The following ADGRL3 variants were observed in gnomAD, a reference collection of about 807,000 sequenced individuals.
The protein encoded by ADGRL3 is adhesion G protein-coupled receptor L3, also known as calcium-independent alpha-latrotoxin receptor 3.
ADGRL3 carries 62 observed loss-of-function variants against 153.5 expected under a neutral mutation model. The observed-to-expected ratio is 0.40, with a 90% CI of 0.33 to 0.50. The LOEUF (loss-of-function observed/expected upper bound fraction) is 0.50. ADGRL3 is among the 20% of genes least tolerant of loss of function. The pLI, the probability that ADGRL3 is intolerant of heterozygous loss-of-function variation, is 0.47. For missense variants in ADGRL3, 1,641 were observed against 1,859.4 expected (o/e 0.88, Z 2.16); for synonymous variants, 710 against 672.5 (o/e 1.06, Z -0.86).
At chr4:61,795,203 C>T (rs1036172055) in intron 8 of ADGRL3, among the ~76,000 whole-genome samples, 2 of 152,188 alleles carry the variant, frequency 1.3e-5, no homozygotes, top group African/African-American at 4.8e-5. Context: ...TCATAGCTCA[C>T]TGCAACCTCG....
At chr4:61,891,594 C>A (rs2098586576) in intron 9 of ADGRL3, among the ~76,000 whole-genome samples, 1 of 152,132 alleles carries the variant, frequency 6.6e-6, no homozygotes, top group Non-Finnish European at 1.5e-5. Context: ...CTCCTCGGGG[C>A]AGCGGAGATG....
intron 2 of ADGRL3, among the ~76,000 whole-genome samples, chr4:61,388,794 T>C (rs1413160739): frequency 6.6e-6 from 1 of 152,186 alleles, no homozygotes. Context: ...GTGTGGGCCT[T>C]TCTACCTATC....
intron 2 of ADGRL3, among the ~76,000 whole-genome samples, chr4:61,422,623 G>C (rs1175833568): frequency 6.6e-6 from 1 of 152,056 alleles, no homozygotes. Flanking sequence ...ATAAGCATTT[G>C]AGACTAATGT....
At chr4:61,947,286 A>C (rs1439994427) in intron 16 of ADGRL3, among the ~76,000 whole-genome samples, 164 bp downstream of exon 16, 3 of 152,160 alleles carry the variant, frequency 2.0e-5, no homozygotes, top group African/African-American at 4.8e-5. Flanking sequence ...TAAGATTTGG[A>C]GGAGGAGAAT....
intron 2 of ADGRL3, among the ~76,000 whole-genome samples, chr4:61,460,667 T>C (rs747692183): frequency 5.9e-5 from 9 of 152,084 alleles, no homozygotes; most frequent in Non-Finnish European, 1.0e-4. Context: ...CAGTTCCACA[T>C]GGCTGGGGAG....
At chr4:61,858,044 T>C (rs2149250489) in intron 9 of ADGRL3, among the ~76,000 whole-genome samples, 2 of 152,296 alleles carry the variant, frequency 1.3e-5, no homozygotes, top group Middle Eastern at 6.8e-3. Context: ...GACTTCTCAT[T>C]ATTGAAAGGA....
intron 4 of ADGRL3, among the ~76,000 whole-genome samples, chr4:61,586,316 A>G (rs2098946435): frequency 6.6e-6 from 1 of 152,022 alleles, no homozygotes; most frequent in Non-Finnish European, 1.5e-5. Flanking sequence ...GCTTCCTTGC[A>G]GTATTATGAC....
intron 2 of ADGRL3, among the ~76,000 whole-genome samples, chr4:61,407,735 C>T (rs1486320425): frequency 2.0e-5 from 3 of 152,106 alleles, no homozygotes; most frequent in East Asian, 1.9e-4. Flanking sequence ...AATGTACATA[C>T]TTTACCATTA....
intron 9 of ADGRL3, among the ~76,000 whole-genome samples, chr4:61,863,947 T>C (rs1243336547): frequency 1.3e-5 from 2 of 152,198 alleles, no homozygotes; most frequent in Non-Finnish European, 2.9e-5. Context: ...GAAGGTTTGG[T>C]CAGAATTGAT....
intron 1 of ADGRL3, among the ~76,000 whole-genome samples, chr4:61,310,095 C>T (rs2094941093): frequency 6.6e-6 from 1 of 151,066 alleles, no homozygotes; most frequent in Non-Finnish European, 1.5e-5. Context: ...TTCAAAAAGT[C>T]ATGAGAAGGT....
intron 1 of ADGRL3, among the ~76,000 whole-genome samples, chr4:61,346,567 CA>C (rs2095913058): frequency 6.6e-6 from 1 of 150,532 alleles, no homozygotes; most frequent in African/African-American, 2.5e-5. Context: ...AGTTTGAAAC[CA>C]GCCTGGTCAA....
chr4:61,874,725 C>A (rs957540215), intron 9 of ADGRL3, among the ~76,000 whole-genome samples: 2 of 150,810 alleles, frequency 1.3e-5, no homozygotes, highest in Non-Finnish European at 2.9e-5. Context: ...ACAGAACCCC[C>A]TCACGTGATA....
chr4:61,246,844 G>A (rs976990292), intron 1 of ADGRL3, among the ~76,000 whole-genome samples: 1 of 151,392 alleles, frequency 6.6e-6, no homozygotes, highest in Non-Finnish European at 1.5e-5. Flanking sequence ...ATATATATAT[G>A]GGGGGAAGGG....
chr4:61,631,982 A>G lies in ADGRL3; in HGVS notation c.473+44542A>G, dbSNP rs2093196454. On this transcript the variant is annotated intron_variant, in intron 5 of 26. Coordinates refer to ENST00000683033, the MANE Select transcript of ADGRL3 (RefSeq NM_001387552.1). ...ACTAGTAGTGTTTTCTTTAAAAGTA[A>G]ACTCTTATTTATGTGCCTATATCAA... is the stretch of plus-strand genomic sequence containing the variant. 2.0e-5 allele frequency among the ~76,000 whole-genome samples: 3 copies of G among 152,044 alleles called. No homozygotes were observed. The South Asian group carries it at 6.2e-4, about 31-fold the overall frequency.
chr4:61,600,358 A>G (rs1341743669), intron 5 of ADGRL3, among the ~76,000 whole-genome samples: 2 of 148,880 alleles, frequency 1.3e-5, no homozygotes, highest in Non-Finnish European at 3.0e-5. Flanking sequence ...ATATTCAACA[A>G]CTGCAGATTT....
intron 2 of ADGRL3, among the ~76,000 whole-genome samples, chr4:61,412,891 T>C (rs1036658000): frequency 1.3e-5 from 2 of 152,226 alleles, no homozygotes; most frequent in Non-Finnish European, 2.9e-5. Context: ...TCAGATAATT[T>C]TAACATCTCT....
At chr4:61,488,164 T>G (rs2152766403) in intron 2 of ADGRL3, among the ~76,000 whole-genome samples, 1 of 152,156 alleles carries the variant, frequency 6.6e-6, no homozygotes, top group South Asian at 2.1e-4. Context: ...TTCTAAACAT[T>G]AATAGACATT....
rs55879235 is a variant in ADGRL3 at position 61,903,650 on chromosome 4, C to CAAAAA, written c.1888-5881_1888-5877dup. On this transcript the variant is annotated intron_variant, in intron 11 of 26. Coordinates refer to ENST00000683033, the MANE Select transcript of ADGRL3 (RefSeq NM_001387552.1). ...TGCTGCACTCCAGCTTGGGAAACAG[C>CAAAAA]AAAAAAAAAAAAAAAAAAAAAAAAA... Among the ~76,000 whole-genome samples, 348 of 72,364 alleles carry CAAAAA rather than the reference C, an allele frequency of 4.8e-3. 31 individuals are homozygous for CAAAAA. Among genetic ancestry groups the CAAAAA allele is most frequent in the African/African-American group, 0.011 (161 of 15,300 alleles). The allele number at this position is 72,364 out of a possible 152,430, so 47.5% of individuals were successfully genotyped here. A position where few individuals can be genotyped will look rare whatever the true frequency, so the allele number is the denominator to read the frequency against.
chr4:61,332,272 T>G (rs2095587432), intron 1 of ADGRL3, among the ~76,000 whole-genome samples: 1 of 152,050 alleles, frequency 6.6e-6, no homozygotes, highest in Non-Finnish European at 1.5e-5. Context: ...ACAATGCAAA[T>G]TTTTGATACT....
Sources: gnomAD v4.1 joint callset for allele counts (sites outside exome capture counted in the v4.1 genomes callset) on GRCh38, gnomAD v4.1.1 for gene constraint, MANE v1.5 for transcripts, NCBI Gene and HGNC (gene_info 2026-07-23, HGNC 2026-07-21) for gene names.